Variants in XCR1 observed in about 807,000 individuals in gnomAD.
The protein encoded by XCR1 is X-C motif chemokine receptor 1.
For synonymous variants in XCR1, 187 were observed against 188.5 expected, an observed-to-expected ratio of 0.99 and a Z score of 0.06; for missense variants, 356 against 424.2, an observed-to-expected ratio of 0.84 and a Z score of 1.41.
intron 4 of XCR1, among the ~76,000 whole-genome samples, chr3:46,056,562 C>G (rs1411326994): frequency 6.6e-6 from 1 of 152,172 alleles, no homozygotes; most frequent in African/African-American, 2.4e-5. Flanking sequence ...CAGCCTCAAC[C>G]TCCTGGACTC....
intron 5 of XCR1, among the ~76,000 whole-genome samples, chr3:46,036,055 T>G (rs1399096176): frequency 1.3e-5 from 2 of 152,192 alleles, no homozygotes; most frequent in Non-Finnish European, 1.5e-5. Flanking sequence ...GGTGATTGTG[T>G]GTGTATCATG....
intron 4 of XCR1, among the ~76,000 whole-genome samples, chr3:46,063,125 C>G (rs1183381154): frequency 6.6e-6 from 1 of 152,130 alleles, no homozygotes; most frequent in Non-Finnish European, 1.5e-5. Flanking sequence ...TGCTATAGCT[C>G]TATCATTCAG....
intron 5 of XCR1, among the ~76,000 whole-genome samples, chr3:46,034,924 A>G (rs145096223): frequency 1.3e-5 from 2 of 152,276 alleles, no homozygotes; most frequent in East Asian, 3.9e-4. Flanking sequence ...CCCTTCATTC[A>G]TCATGATTGC....
At chr3:46,085,815 CA>C (rs1365940086) in exon 1 of XCR1, among the ~76,000 whole-genome samples, 1 of 152,186 alleles carries the variant, frequency 6.6e-6, no homozygotes, top group African/African-American at 2.4e-5. Context: ...CTTGGTGTGA[CA>C]GCAGCATCTG....
At chr3:46,048,459 C>T (rs568432815) in intron 5 of XCR1, among the ~76,000 whole-genome samples, 1 of 152,216 alleles carries the variant, frequency 6.6e-6, no homozygotes, top group South Asian at 2.1e-4. Context: ...GGGTTGATGT[C>T]ATTGTGATTC....
chr3:46,037,201 C>A (rs762418095), intron 5 of XCR1, among the ~76,000 whole-genome samples: 2 of 151,896 alleles, frequency 1.3e-5, no homozygotes, highest in African/African-American at 4.8e-5. Context: ...AAAAGCTACC[C>A]AAAAATGTGT....
intron 3 of XCR1, among the ~76,000 whole-genome samples, chr3:46,073,311 G>C (rs1433721710): frequency 6.6e-6 from 1 of 152,170 alleles, no homozygotes. Context: ...ATAAATAACA[G>C]ATGCTGGGTG....
intron 5 of XCR1, among the ~76,000 whole-genome samples, chr3:46,052,154 G>A (rs192419062): frequency 1.2e-4 from 19 of 152,340 alleles, no homozygotes; most frequent in African/African-American, 4.3e-4. Context: ...ATATCCTGCT[G>A]GTAAATGTCC....
intron 5 of XCR1, among the ~76,000 whole-genome samples, chr3:46,033,607 C>A (rs1271098871): frequency 1.3e-5 from 2 of 152,150 alleles, no homozygotes; most frequent in African/African-American, 4.8e-5. Flanking sequence ...TAATGCTAGG[C>A]CCCTGACTTT....
At chr3:46,067,849 A>G (rs1446133494) in intron 3 of XCR1, among the ~76,000 whole-genome samples, 1 of 152,132 alleles carries the variant, frequency 6.6e-6, no homozygotes, top group Non-Finnish European at 1.5e-5. Context: ...GAAACTCAGG[A>G]GGCAGAAAAT....
At chr3:46,077,826 A>G (rs549835633) in intron 1 of XCR1, among the ~76,000 whole-genome samples, 24 of 152,296 alleles carry the variant, frequency 1.6e-4, no homozygotes, top group Non-Finnish European at 2.9e-4. Context: ...TTAACACAGG[A>G]ACAGAATACC....
rs533182974 is a variant in XCR1 at position 46,054,085 on chromosome 3, G to C, written c.-182-15C>G. On this transcript the variant is annotated splice_polypyrimidine_tract_variant and intron_variant, in intron 4 of 5. Transcript: ENST00000683768. ...ACCTAGGGGGACTGAACAAAGGGGG[G>C]CAAACGCGGGAATAAAAGACAAAGA... Among the ~76,000 whole-genome samples the C allele has an allele frequency of 2.0e-3, 307 of 152,272 alleles. 2 individuals carry two copies. Among genetic ancestry groups the C allele is most frequent in the Non-Finnish European group, 3.5e-3 (240 of 68,014 alleles).
chr3:46,060,465 A>G (rs539349656), intron 4 of XCR1, among the ~76,000 whole-genome samples: 9 of 152,320 alleles, frequency 5.9e-5, no homozygotes, highest in Admixed American at 4.6e-4. Context: ...ATCAGGATCA[A>G]TCATCCCAAC....
intron 4 of XCR1, among the ~76,000 whole-genome samples, chr3:46,063,092 A>C (rs778765822): frequency 6.6e-6 from 1 of 152,196 alleles, no homozygotes; most frequent in Non-Finnish European, 1.5e-5. Context: ...TATTGGGATA[A>C]AGTTCCGAAT....
At chr3:46,082,030 T>C (rs571320066) in intron 1 of XCR1, among the ~76,000 whole-genome samples, 29 of 152,204 alleles carry the variant, frequency 1.9e-4, no homozygotes, top group Non-Finnish European at 2.8e-4. Flanking sequence ...TCAGGTACTA[T>C]TGGCCAATCC....
intron 2 of XCR1, among the ~76,000 whole-genome samples, chr3:46,075,140 T>C (rs1698234829): frequency 6.6e-6 from 1 of 151,898 alleles, no homozygotes; most frequent in African/African-American, 2.4e-5. Flanking sequence ...ATATGTGATA[T>C]TGGCAGAGGG....
chr3:46,057,874 A>G (rs1697879779), intron 4 of XCR1, among the ~76,000 whole-genome samples: 1 of 141,188 alleles, frequency 7.1e-6, no homozygotes, highest in South Asian at 2.3e-4. Flanking sequence ...TTATCATCTT[A>G]TCTGTCTGTC....
At chr3:46,026,719 A>C (rs1708294946) in intron 1 of XCR1, among the ~76,000 whole-genome samples, 1 of 151,482 alleles carries the variant, frequency 6.6e-6, no homozygotes, top group African/African-American at 2.4e-5. Flanking sequence ...AGTAGCTAGG[A>C]CTACAGGTGC....
At chr3:46,054,461 T>G (rs1389160345) in intron 4 of XCR1, among the ~76,000 whole-genome samples, 1 of 151,972 alleles carries the variant, frequency 6.6e-6, no homozygotes, top group East Asian at 1.9e-4. Flanking sequence ...CCCACGGGCG[T>G]TCGGCTCCCT....
Sources: allele counts gnomAD v4.1 joint callset (sites outside exome capture counted in the v4.1 genomes callset), GRCh38; gene constraint gnomAD v4.1.1; transcripts MANE v1.5; gene names NCBI Gene and HGNC (gene_info 2026-07-23, HGNC 2026-07-21).